The following MAPK4 variants were observed in gnomAD, a reference collection of about 807,000 sequenced individuals.
The protein encoded by MAPK4 is mitogen-activated protein kinase 4, also known as Erk3-related.
Under a neutral mutation model 47.7 loss-of-function variants are expected in MAPK4, and 22 were observed. The observed-to-expected ratio is 0.46, with a 90% confidence interval of 0.33 to 0.66. The LOEUF is 0.66. MAPK4 is among the 30% of genes least tolerant of loss of function. MAPK4 has a pLI of 0.02. For missense variants in MAPK4, 736 were observed against 831.7 expected (o/e 0.88, Z 1.42); for synonymous variants, 390 against 365.7 (o/e 1.07, Z -0.76).
At chr18:50,662,567 A>G (rs1268280894) in intron 1 of MAPK4, among the ~76,000 whole-genome samples, 1 of 152,254 alleles carries the variant, frequency 6.6e-6, no homozygotes. Flanking sequence ...TTACGTGGAA[A>G]GCAAGAGATA....
At chr18:50,660,813 T>C (rs1280482276) in intron 1 of MAPK4, among the ~76,000 whole-genome samples, 2 of 152,074 alleles carry the variant, frequency 1.3e-5, no homozygotes, top group African/African-American at 4.8e-5. Flanking sequence ...AAAGAGTCTA[T>C]TTAGCAGCCC....
intron 1 of MAPK4, among the ~76,000 whole-genome samples, chr18:50,624,258 G>C (rs1270924392): frequency 6.6e-6 from 1 of 152,178 alleles, no homozygotes; most frequent in Non-Finnish European, 1.5e-5. Context: ...GAGTATATGG[G>C]CTTTGTATGG....
intron 2 of MAPK4, among the ~76,000 whole-genome samples, chr18:50,682,669 G>A (rs1908653888): frequency 6.6e-6 from 1 of 152,222 alleles, no homozygotes; most frequent in Admixed American, 6.5e-5. Flanking sequence ...TTTGGAAAAT[G>A]ATTTGGCAGT....
chr18:50,645,543 T>G (rs1361537668), intron 1 of MAPK4, among the ~76,000 whole-genome samples: 1 of 152,164 alleles, frequency 6.6e-6, no homozygotes, highest in Admixed American at 6.5e-5. Context: ...ACAGTTATCT[T>G]ATTTTAATTT....
chr18:50,650,330 C>A (rs779775037), intron 1 of MAPK4, among the ~76,000 whole-genome samples: 1 of 147,758 alleles, frequency 6.8e-6, no homozygotes, highest in Non-Finnish European at 1.5e-5. Context: ...CTTTCCACTA[C>A]CCCCTCCCTT....
At chr18:50,696,598 A>G (rs1365312358) in intron 2 of MAPK4, among the ~76,000 whole-genome samples, 1 of 152,244 alleles carries the variant, frequency 6.6e-6, no homozygotes, top group Non-Finnish European at 1.5e-5. Flanking sequence ...ACGCAAACCC[A>G]GAGAACCCCC....
At chr18:50,674,781 G>T (rs1908164834) in intron 2 of MAPK4, among the ~76,000 whole-genome samples, 1 of 152,180 alleles carries the variant, frequency 6.6e-6, no homozygotes, top group Non-Finnish European at 1.5e-5. Flanking sequence ...AGGGCCCCTA[G>T]AAAAACATAT....
At chr18:50,619,396 C>T (rs1392381685) in intron 1 of MAPK4, among the ~76,000 whole-genome samples, 1 of 152,198 alleles carries the variant, frequency 6.6e-6, no homozygotes, top group Admixed American at 6.5e-5. Flanking sequence ...TCACTGTAAC[C>T]TTGAACTCCT....
chr18:50,588,669 C>T (rs77223396), intron 1 of MAPK4, among the ~76,000 whole-genome samples: 20 of 152,286 alleles, frequency 1.3e-4, no homozygotes, highest in South Asian at 4.1e-4. Context: ...ATTCTCTCAC[C>T]TCAGCCTTCC....
chr18:50,670,879 C>T (rs934385012), intron 2 of MAPK4, among the ~76,000 whole-genome samples: 1 of 152,078 alleles, frequency 6.6e-6, no homozygotes, highest in African/African-American at 2.4e-5. Flanking sequence ...TCTCAAACAA[C>T]AGCCCTTAGG....
At chr18:50,578,209 A>G (rs544294828) in intron 1 of MAPK4, among the ~76,000 whole-genome samples, 1 of 152,336 alleles carries the variant, frequency 6.6e-6, no homozygotes, top group South Asian at 2.1e-4. Context: ...GCGAGCGCTC[A>G]GCTATCCTGG....
chr18:50,588,200 C>T (rs549571105), intron 1 of MAPK4, among the ~76,000 whole-genome samples: 13 of 152,212 alleles, frequency 8.5e-5, no homozygotes, highest in East Asian at 5.8e-4. Context: ...GCGATTCTTC[C>T]GCTCCATGTG....
intron 2 of MAPK4, among the ~76,000 whole-genome samples, chr18:50,698,258 A>G (rs529168948): frequency 3.3e-5 from 5 of 152,336 alleles, no homozygotes; most frequent in African/African-American, 9.6e-5. Flanking sequence ...ACAGCCCTAA[A>G]TTATCAAGGA....
intron 1 of MAPK4, among the ~76,000 whole-genome samples, chr18:50,588,443 A>T (rs1323879521): frequency 1.3e-5 from 2 of 152,106 alleles, no homozygotes; most frequent in African/African-American, 4.8e-5. Context: ...TTTTCTTAAG[A>T]CCCTGGGCTC....
At chr18:50,563,777 C>A (rs1412442980) in intron 1 of MAPK4, among the ~76,000 whole-genome samples, 1 of 152,214 alleles carries the variant, frequency 6.6e-6, no homozygotes, top group Non-Finnish European at 1.5e-5. Flanking sequence ...GCCTGCTATG[C>A]TCTCTTCCTC....
intron 2 of MAPK4, among the ~76,000 whole-genome samples, chr18:50,665,857 T>G (rs1432515518): frequency 6.6e-6 from 1 of 152,176 alleles, no homozygotes; most frequent in Non-Finnish European, 1.5e-5. Context: ...TAGGAAGGAA[T>G]GTCCATGGGC....
At chr18:50,636,536 C>T (rs1367686944) in intron 1 of MAPK4, among the ~76,000 whole-genome samples, 1 of 152,222 alleles carries the variant, frequency 6.6e-6, no homozygotes, top group Non-Finnish European at 1.5e-5. Context: ...CAGGGGCTGC[C>T]TCTCCTGCAT....
intron 5 of MAPK4, among the ~76,000 whole-genome samples, 174 bp from the exon 6 acceptor site, chr18:50,728,984 T>C (rs923563263): frequency 6.6e-6 from 1 of 152,246 alleles, no homozygotes; most frequent in African/African-American, 2.4e-5. Context: ...GAACAATCCA[T>C]GTCCCCAGCT....
At chr18:50,599,310 C>T (rs1444559626) in intron 1 of MAPK4, among the ~76,000 whole-genome samples, 1 of 152,062 alleles carries the variant, frequency 6.6e-6, no homozygotes, top group East Asian at 1.9e-4. Flanking sequence ...TTTTAAAAAC[C>T]CTATCAGTCT....
Sources: allele counts gnomAD v4.1 joint callset (sites outside exome capture counted in the v4.1 genomes callset), GRCh38; gene constraint gnomAD v4.1.1; transcripts MANE v1.5; gene names NCBI Gene and HGNC (gene_info 2026-07-23, HGNC 2026-07-21).